Variants in SUCLG2 observed in about 807,000 individuals in gnomAD.
SUCLG2 encodes succinate--CoA ligase [GDP-forming] subunit beta, mitochondrial.
A neutral mutation model predicts 47.9 loss-of-function variants in SUCLG2; 42 were observed. The ratio of observed to expected loss-of-function variants is 0.88; its 90% CI spans 0.69 to 1.14. The LOEUF (loss-of-function observed/expected upper bound fraction) is 1.14. Ranked by LOEUF, SUCLG2 falls within the 50% of genes most tolerant of loss-of-function variation. SUCLG2 has a pLI of 0.00. For synonymous variants in SUCLG2, 195 were observed against 197.3 expected (o/e 0.99, Z 0.10); for missense variants, 571 against 525.9 (o/e 1.09, Z -0.84).
At chr3:67,428,007 T>A (rs1054593950) in intron 9 of SUCLG2, among the ~76,000 whole-genome samples, 1 of 152,214 alleles carries the variant, frequency 6.6e-6, no homozygotes, top group African/African-American at 2.4e-5. Flanking sequence ...CAAGGAGGCC[T>A]GCCTGCCTCT....
intron 6 of SUCLG2, 51 bp from the exon 7 acceptor site, chr3:67,508,954 T>G (rs745755841): frequency 1.4e-6 from 2 of 1,403,956 alleles, no homozygotes; most frequent in East Asian, 2.4e-5. Context: ...AAAAGAAAAT[T>G]TATTTTGCTG....
rs57016463 is a variant in SUCLG2 at position 67,386,255 on chromosome 3, ATT to A, written c.1184-10398_1184-10397del. Among the ~76,000 whole-genome samples, 1,094 of 143,350 alleles carry A rather than the reference ATT, an allele frequency of 7.6e-3. 6 individuals are homozygous for A. The highest frequency in any genetic ancestry group is 0.011 in the Non-Finnish European group (703 of 65,170). 94.0% of individuals were successfully genotyped at this position (143,350 alleles called of 152,430 possible). A position where few individuals can be genotyped will look rare whatever the true frequency, so the allele number is the denominator to read the frequency against. On this transcript the variant is annotated intron_variant, in intron 10 of 10. Coordinates refer to ENST00000307227, the MANE Select transcript of SUCLG2 (RefSeq NM_003848.4). Reference sequence around the variant, plus strand: ...AGGCGCCCGCCACCACGCCCGGCTAATTTTTTTTTTTTTTTGTATTTTTAGTA... The same window carrying A: ...AGGCGCCCGCCACCACGCCCGGCTAATTTTTTTTTTTTTGTATTTTTAGTA...
At chr3:67,360,561 A>C in exon 11 of SUCLG2, 2 of 1,423,976 alleles carry the variant, frequency 1.4e-6, no homozygotes, top group Non-Finnish European at 1.8e-6. Flanking sequence ...ATGTAAAAAA[A>C]TAATTTTGTG....
At chr3:67,554,556 C>T (rs1707104999) in intron 2 of SUCLG2, among the ~76,000 whole-genome samples, 1 of 152,116 alleles carries the variant, frequency 6.6e-6, no homozygotes, top group South Asian at 2.1e-4. Context: ...GAATTATTTT[C>T]ATTTCCTTCT....
At chr3:67,466,489 C>G (rs1055619116) in intron 9 of SUCLG2, among the ~76,000 whole-genome samples, 2 of 152,224 alleles carry the variant, frequency 1.3e-5, no homozygotes, top group African/African-American at 4.8e-5. Context: ...CTCCATCTAT[C>G]TAACTGGCTT....
At chr3:67,417,616 A>G (rs1386754757) in intron 9 of SUCLG2, among the ~76,000 whole-genome samples, 3 of 152,212 alleles carry the variant, frequency 2.0e-5, no homozygotes, top group Non-Finnish European at 2.9e-5. Context: ...AACGTAGACA[A>G]TAATAGTTGG....
intron 2 of SUCLG2, among the ~76,000 whole-genome samples, chr3:67,567,975 G>A (rs182869328): frequency 2.0e-4 from 31 of 152,276 alleles, no homozygotes; most frequent in African/African-American, 1.4e-4. Flanking sequence ...AAAAAGATAC[G>A]CACTGATCAG....
At chr3:67,624,709 T>G (rs55780245) in intron 1 of SUCLG2, among the ~76,000 whole-genome samples, 2 of 152,162 alleles carry the variant, frequency 1.3e-5, no homozygotes, top group African/African-American at 2.4e-5. Context: ...ATTACTTTTA[T>G]CTATAAGAAT....
intron 1 of SUCLG2, among the ~76,000 whole-genome samples, chr3:67,640,554 T>C (rs565308914): frequency 2.7e-5 from 4 of 146,768 alleles, no homozygotes; most frequent in Admixed American, 6.6e-5. Context: ...CACATTTATA[T>C]AGATTTTTTA....
At chr3:67,548,855 C>T (rs1487310693) in intron 2 of SUCLG2, among the ~76,000 whole-genome samples, 2 of 152,124 alleles carry the variant, frequency 1.3e-5, no homozygotes, top group Admixed American at 6.6e-5. Flanking sequence ...ACAAGAGGCA[C>T]CCAACAGGTA....
chr3:67,518,245 A>T lies in SUCLG2; in HGVS notation c.660+2T>A. The stretch of plus-strand genomic sequence containing the variant: ...CACACCATCCCCCAATGGCTTATAT[A>T]CCTGGCTTTTCAAAGGCCCAACGAA... On this transcript the variant is annotated splice_donor_variant, in intron 6 of 10. Coordinates refer to ENST00000307227, the MANE Select transcript of SUCLG2 (RefSeq NM_003848.4). LOFTEE classifies it high-confidence loss of function. The T allele has an allele frequency of 1.2e-6, 2 of 1,610,948 alleles. No homozygotes were observed. The highest frequency in any genetic ancestry group is 1.7e-6 in the Non-Finnish European group (2 of 1,178,136).
At chr3:67,396,822 C>A (rs1702542007) in intron 10 of SUCLG2, among the ~76,000 whole-genome samples, 1 of 152,168 alleles carries the variant, frequency 6.6e-6, no homozygotes, top group African/African-American at 2.4e-5. Context: ...AGCTTATCCA[C>A]CATGATCAAG....
intron 1 of SUCLG2, among the ~76,000 whole-genome samples, chr3:67,635,881 G>C (rs1274868877): frequency 6.6e-6 from 1 of 152,088 alleles, no homozygotes; most frequent in Non-Finnish European, 1.5e-5. Context: ...GGGTCTCCCA[G>C]CCTTTGGCAC....
intron 1 of SUCLG2, 97 bp from the exon 2 acceptor site, chr3:67,609,693 C>A: frequency 2.7e-6 from 3 of 1,111,008 alleles, no homozygotes; most frequent in Non-Finnish European, 3.7e-6. Flanking sequence ...TGTTGACTGG[C>A]AATCTGCAAC....
Position 67,436,130 on chromosome 3 carries a change from G to C in SUCLG2, c.1063-35279C>G, listed in dbSNP as rs912224948. Among the ~76,000 whole-genome samples the C allele has an allele frequency of 3.9e-5, 6 of 152,266 alleles. No individual in the cohort carries two copies. In the East Asian group the frequency reaches 1.2e-3, roughly 29 times the overall value. ...TGAAGTCAAGTCTCAAAGTGCTTCA[G>C]GTAATTTTAAGAACCAAAGGCTCAA... is the stretch of plus-strand genomic sequence containing the variant. On this transcript the variant is annotated intron_variant, in intron 9 of 10. Transcript: ENST00000307227.
chr3:67,610,582 G>C (rs1700510801), intron 1 of SUCLG2, among the ~76,000 whole-genome samples: 1 of 150,370 alleles, frequency 6.7e-6, no homozygotes, highest in Non-Finnish European at 1.5e-5. Flanking sequence ...ATATGCAAAG[G>C]AAACATTACT....
intron 10 of SUCLG2, among the ~76,000 whole-genome samples, chr3:67,389,160 T>C (rs1197554551): frequency 6.6e-6 from 1 of 151,878 alleles, no homozygotes; most frequent in African/African-American, 2.4e-5. Context: ...TAAAGTGGTA[T>C]GGAGGCAAGA....
intron 1 of SUCLG2, among the ~76,000 whole-genome samples, chr3:67,613,876 T>C (rs577149343): frequency 5.5e-4 from 84 of 152,286 alleles, no homozygotes; most frequent in Middle Eastern, 3.4e-3. Flanking sequence ...GAGACTGAGA[T>C]AAGAGACAAG....
At chr3:67,451,255 T>C (rs1044805959) in intron 9 of SUCLG2, among the ~76,000 whole-genome samples, 2 of 152,244 alleles carry the variant, frequency 1.3e-5, no homozygotes, top group Non-Finnish European at 2.9e-5. Context: ...CTCATCTGTT[T>C]AGACCTAACT....
Sources: allele counts gnomAD v4.1 joint callset (sites outside exome capture counted in the v4.1 genomes callset), GRCh38; gene constraint gnomAD v4.1.1; transcripts MANE v1.5; gene names NCBI Gene and HGNC (gene_info 2026-07-23, HGNC 2026-07-21).